The following THSD4 variants were observed in gnomAD, a reference collection of about 807,000 sequenced individuals.
THSD4 encodes thrombospondin type 1 domain containing 4, also known as thrombospondin type-1 domain-containing protein 4.
Under a neutral mutation model 119.0 loss-of-function variants are expected in THSD4, and 69 were observed. The ratio of observed to expected loss-of-function variants is 0.58; its 90% CI spans 0.48 to 0.71. The LOEUF (loss-of-function observed/expected upper bound fraction) is 0.71, where lower values mean the gene tolerates loss of function less well. Ranked by LOEUF, THSD4 falls within the 30% of genes least tolerant of loss-of-function variation. The pLI, the probability that THSD4 is intolerant of heterozygous loss-of-function variation, is 0.00. For synonymous variants in THSD4, 524 were observed against 540.4 expected, an observed-to-expected ratio of 0.97 and a Z score of 0.42; for missense variants, 1,393 against 1,391.1, an observed-to-expected ratio of 1.00 and a Z score of -0.02.
At chr15:71,375,999 C>T (rs1265534026) in intron 6 of THSD4, among the ~76,000 whole-genome samples, 1 of 152,182 alleles carries the variant, frequency 6.6e-6, no homozygotes, top group African/African-American at 2.4e-5. Flanking sequence ...CCGACTAGGC[C>T]CTACCTGCGA....
intron 6 of THSD4, among the ~76,000 whole-genome samples, chr15:71,339,752 G>A (rs949880602): frequency 5.3e-5 from 8 of 152,012 alleles, no homozygotes; most frequent in African/African-American, 1.9e-4. Flanking sequence ...AAGCAGATAA[G>A]TGCTCAGTAA....
chr15:71,343,858 A>G (rs753282854), intron 6 of THSD4, among the ~76,000 whole-genome samples: 21 of 151,296 alleles, frequency 1.4e-4, no homozygotes, highest in Non-Finnish European at 2.7e-4. Flanking sequence ...AACTACAGGC[A>G]TGCACCACCA....
At chr15:71,529,048 A>G (rs961296240) in intron 7 of THSD4, among the ~76,000 whole-genome samples, 3 of 152,180 alleles carry the variant, frequency 2.0e-5, no homozygotes, top group African/African-American at 4.8e-5. Flanking sequence ...GATGTAGCCA[A>G]TGGAAGATGG....
intron 7 of THSD4, among the ~76,000 whole-genome samples, chr15:71,623,798 C>T (rs1454679319): frequency 2.6e-5 from 4 of 151,996 alleles, no homozygotes; most frequent in Non-Finnish European, 5.9e-5. Flanking sequence ...TGGCGGGCAC[C>T]TGTAATCCCA....
In THSD4 at chr15:71,594,217, T is replaced by C. The variant is rs570710597; in HGVS notation, c.1153-66313T>C. On this transcript the variant is annotated intron_variant, in intron 7 of 17. Coordinates refer to ENST00000261862, the MANE Select transcript of THSD4 (RefSeq NM_024817.3). ...TCCCAAGCCTGGATGAATCCTTTTT[T>C]TTTTTTTTCCTGAGATAAAGTGTCA... 5.3e-5 allele frequency among the ~76,000 whole-genome samples: 8 copies of C among 152,020 alleles called. No individual in the cohort carries two copies. In the East Asian group the frequency reaches 1.6e-3, roughly 30 times the overall value.
chr15:71,738,491 C>G (rs1355685609), intron 11 of THSD4, among the ~76,000 whole-genome samples: 5 of 152,126 alleles, frequency 3.3e-5, no homozygotes, highest in Admixed American at 3.3e-4. Flanking sequence ...ATGATTGGCT[C>G]AAAGGGCTTA....
intron 7 of THSD4, among the ~76,000 whole-genome samples, chr15:71,441,160 G>A (rs2047082821): frequency 6.6e-6 from 1 of 152,184 alleles, no homozygotes; most frequent in African/African-American, 2.4e-5. Flanking sequence ...AGTGCAGGGT[G>A]CATTGTGAAT....
At chr15:71,272,810 G>A (rs1253590620) in intron 6 of THSD4, among the ~76,000 whole-genome samples, 1 of 152,010 alleles carries the variant, frequency 6.6e-6, no homozygotes. Context: ...GTGGCAGTGA[G>A]CCAAGATCAT....
chr15:71,660,755 G>T, intron 8 of THSD4, 21 bp downstream of exon 8: 1 of 1,613,476 alleles, frequency 6.2e-7, no homozygotes, highest in South Asian at 1.1e-5. Flanking sequence ...TCTTTTTCCA[G>T]AGAAAACCGT....
chr15:71,333,501 G>GT (rs1446224410), intron 6 of THSD4, among the ~76,000 whole-genome samples: 8 of 151,972 alleles, frequency 5.3e-5, no homozygotes, highest in South Asian at 2.1e-4. Flanking sequence ...CTGAACCTTT[G>GT]TTTTTTTTCT....
intron 3 of THSD4, among the ~76,000 whole-genome samples, chr15:71,194,572 C>T (rs1048592091): frequency 2.0e-5 from 3 of 152,194 alleles, no homozygotes; most frequent in East Asian, 1.9e-4. Context: ...CCGGTTCCTA[C>T]GTGTCACTCA....
intron 6 of THSD4, among the ~76,000 whole-genome samples, chr15:71,304,287 TGAG>T (rs1314454279): frequency 2.6e-5 from 4 of 151,762 alleles, no homozygotes; most frequent in African/African-American, 4.8e-5. Context: ...CCTCACCAGG[TGAG>T]GAGTGAAGGG....
chr15:71,110,175 T>G (rs1313358212), intron 1 of THSD4: 1 of 152,088 alleles, frequency 6.6e-6, no homozygotes, highest in Non-Finnish European at 1.5e-5. Flanking sequence ...GGCGGCAGTG[T>G]GAGCAATGGG....
intron 7 of THSD4, among the ~76,000 whole-genome samples, chr15:71,645,847 C>T (rs543362074): frequency 6.6e-6 from 1 of 152,290 alleles, no homozygotes; most frequent in Non-Finnish European, 1.5e-5. Flanking sequence ...AGGGGAAATT[C>T]AAGATGCAAT....
At chr15:71,719,689 T>A (rs1164926022) in intron 8 of THSD4, among the ~76,000 whole-genome samples, 1 of 152,170 alleles carries the variant, frequency 6.6e-6, no homozygotes, top group East Asian at 1.9e-4. Flanking sequence ...AAACATGTAT[T>A]TTTTGAGACA....
At chr15:71,567,085 CCTCA>C (rs917910756) in intron 7 of THSD4, among the ~76,000 whole-genome samples, 3 of 152,096 alleles carry the variant, frequency 2.0e-5, no homozygotes, top group African/African-American at 2.4e-5. Context: ...GAAGTGGACC[CCTCA>C]CTCAGAGCAG....
chr15:71,674,579 G>A (rs1297035755), intron 8 of THSD4, among the ~76,000 whole-genome samples: 1 of 152,122 alleles, frequency 6.6e-6, no homozygotes, highest in African/African-American at 2.4e-5. Flanking sequence ...TAATTGGTCA[G>A]GGGCACAGCC....
chr15:71,712,483 A>C (rs2052536419), intron 8 of THSD4, among the ~76,000 whole-genome samples: 1 of 152,234 alleles, frequency 6.6e-6, no homozygotes, highest in South Asian at 2.1e-4. Flanking sequence ...GAGCAAGTTA[A>C]TCCCAAATCA....
chr15:71,194,865 G>C (rs1004416754), intron 3 of THSD4, among the ~76,000 whole-genome samples: 1 of 152,158 alleles, frequency 6.6e-6, no homozygotes, highest in South Asian at 2.1e-4. Flanking sequence ...GTTATACCTT[G>C]TGGGATGTTA....
Sources: gnomAD v4.1 joint callset for allele counts (sites outside exome capture counted in the v4.1 genomes callset) on GRCh38, gnomAD v4.1.1 for gene constraint, MANE v1.5 for transcripts, NCBI Gene and HGNC (gene_info 2026-07-23, HGNC 2026-07-21) for gene names.